Variants in C12orf43 observed in about 807,000 individuals in gnomAD.
C12orf43 encodes the protein chromosome 12 open reading frame 43, also known as protein CUSTOS.
In C12orf43, 15 loss-of-function variants were observed where a neutral mutation model predicts 20.6. The ratio of observed to expected loss-of-function variants is 0.73; its 90% CI spans 0.49 to 1.12. C12orf43 has a LOEUF of 1.12. Among genes scored for constraint, C12orf43 ranks in the 50% most tolerant of loss-of-function variants. The pLI is 0.00. For synonymous variants in C12orf43, 144 were observed against 130.8 expected, an observed-to-expected ratio of 1.10 and a Z score of -0.69; for missense variants, 334 against 344.4, an observed-to-expected ratio of 0.97 and a Z score of 0.24.
rs1877411439 is a variant in C12orf43, at chr12:121,000,850, G to C, written c.*3303C>G. On this transcript the variant is annotated 3_prime_UTR_variant, in exon 6 of 6. Coordinates refer to ENST00000288757, the MANE Select transcript of C12orf43 (RefSeq NM_022895.3). ...GGGGCTTCTCCAGTGTTCACACTAAGATGTACTCAGGCCACTCCATGGGCG... is the reference window on the plus strand; with the variant it reads ...GGGGCTTCTCCAGTGTTCACACTAACATGTACTCAGGCCACTCCATGGGCG... 1 of 615,240 alleles carries C rather than the reference G, an allele frequency of 1.6e-6. No individual in the cohort carries two copies. Among genetic ancestry groups the C allele is most frequent in the Non-Finnish European group, 2.9e-6 (1 of 342,202 alleles). 38.1% of individuals were successfully genotyped at this position (615,240 alleles called of 1,614,324 possible).
intron 1 of C12orf43, among the ~76,000 whole-genome samples, chr12:121,012,128 A>T (rs1460088381): frequency 2.6e-5 from 4 of 152,166 alleles, no homozygotes; most frequent in Non-Finnish European, 2.9e-5. Context: ...CTTCACTGAT[A>T]AGGCAACATT....
At chr12:121,008,019 C>CATTA (rs1314573393) in intron 3 of C12orf43, among the ~76,000 whole-genome samples, 1 of 6,020 alleles carries the variant, frequency 1.7e-4, no homozygotes, top group Non-Finnish European at 3.2e-4. Context: ...GGTAAACATC[C>CATTA]TATAATGGGA....
intron 3 of C12orf43, among the ~76,000 whole-genome samples, chr12:121,010,617 C>A (rs1351701460): frequency 6.6e-6 from 1 of 152,204 alleles, no homozygotes; most frequent in Admixed American, 6.5e-5. Context: ...TTCAGGCACA[C>A]CTGTCTCCTT....
rs1877963971 is a variant in C12orf43 at position 121,005,768 on chromosome 12, C to A, written c.361+553G>T. Among the ~76,000 whole-genome samples, 1 of 152,180 alleles carries A rather than the reference C, an allele frequency of 6.6e-6. No homozygotes were observed. ...CTGTACATGGGGTTCAATCATAATA[C>A]CTGCCTCACCACAGGGGCTGAGCAG... On this transcript the variant is annotated intron_variant, in intron 4 of 5. Coordinates refer to ENST00000288757, the MANE Select transcript of C12orf43 (RefSeq NM_022895.3). The surrounding 1 kb of genome is among the most constrained non-coding windows in gnomAD (Gnocchi z 5.6).
intron 1 of C12orf43, among the ~76,000 whole-genome samples, chr12:121,014,645 C>G (rs1383304837): frequency 8.5e-5 from 10 of 117,668 alleles, no homozygotes; most frequent in African/African-American, 1.3e-4. Context: ...AAAAAAAATG[C>G]AAAAAAAAAA....
Position 121,005,816 on chromosome 12 carries a change from C to T in C12orf43, c.361+505G>A. The T allele has an allele frequency of 6.3e-6, 1 of 158,524 alleles. No homozygotes were observed. The highest frequency in any genetic ancestry group is 2.4e-5 in the African/African-American group (1 of 41,466). The allele number at this position is 158,524 out of a possible 1,614,324, so 9.8% of individuals were successfully genotyped here. A position where few individuals can be genotyped will look rare whatever the true frequency, so the allele number is the denominator to read the frequency against. ...CAGATGAAAGAATGGTGAGGTGGCC[C>T]ATGCCTGTAACCCCAGTACTTTGGT... On this transcript the variant is annotated intron_variant, in intron 4 of 5. Coordinates refer to ENST00000288757, the MANE Select transcript of C12orf43 (RefSeq NM_022895.3). The surrounding 1 kb of genome is among the most constrained non-coding windows in gnomAD (Gnocchi z 5.6).
At chr12:121,008,354 C>T (rs1878181118) in intron 3 of C12orf43, among the ~76,000 whole-genome samples, 1 of 152,148 alleles carries the variant, frequency 6.6e-6, no homozygotes, top group African/African-American at 2.4e-5. Flanking sequence ...AGGCTGGTCT[C>T]GAACTCCTGT....
At chr12:121,013,737 TG>T (rs1170600181) in intron 1 of C12orf43, among the ~76,000 whole-genome samples, 8 of 151,956 alleles carry the variant, frequency 5.3e-5, no homozygotes, top group African/African-American at 1.9e-4. Context: ...GACCAAAGGG[TG>T]GGAGTTTTGA....
At chr12:121,011,026 G>A (rs780733128) in intron 2 of C12orf43, 78 bp downstream of exon 2, 77 of 1,579,858 alleles carry the variant, frequency 4.9e-5, no homozygotes, top group Non-Finnish European at 6.4e-5. Context: ...AATGCCAGGC[G>A]TGAAGCCTAG....
intron 1 of C12orf43, among the ~76,000 whole-genome samples, chr12:121,014,514 C>A (rs533777570): frequency 1.3e-5 from 2 of 151,660 alleles, no homozygotes; most frequent in South Asian, 4.2e-4. Context: ...CCTGTAATCC[C>A]AGCTACTAGG....
Position 121,005,631 on chromosome 12 carries a change from C to A in C12orf43, c.362-538G>T, listed in dbSNP as rs547998840. ...GGCAAATGTGTTGGTACAGGACAGA[C>A]GCAGATGGGCGAGGCTGTGGAGGGC... On this transcript the variant is annotated intron_variant, in intron 4 of 5. Transcript: ENST00000288757. This position sits in a 1 kb window ranked among gnomAD's most constrained non-coding sequence, Gnocchi z 5.6. 6.6e-6 allele frequency among the ~76,000 whole-genome samples: 1 copy of A among 152,242 alleles called. No homozygotes were observed. The highest frequency in any genetic ancestry group is 2.4e-5 in the African/African-American group (1 of 41,456).
rs146925499 is a variant in C12orf43, at chr12:121,016,384, T to C, written c.91A>G (p.Met31Val). The C allele has an allele frequency of 1.5e-3, 2,481 of 1,613,938 alleles. 2 individuals are homozygous for C. The highest frequency in any genetic ancestry group is 2.0e-3 in the Admixed American group (119 of 60,032). The stretch of plus-strand genomic sequence containing the variant: ...CGTTGCTCCAAGCCCCAAGCCGGCA[T>C]TGCCGCCTCGCGGCACCGCTCCAGC... ...EELERCREAA[M>V]PAWGLEQRPH... Residue 31 changes from methionine (M) to valine (V), a missense_variant, in exon 1 of 6, where the codon ATG becomes GTG. Transcript: ENST00000288757.
intron 1 of C12orf43, chr12:121,012,704 T>G: frequency 2.5e-6 from 1 of 402,476 alleles, no homozygotes; most frequent in African/African-American, 2.1e-5. Context: ...ATACAAAAAT[T>G]AGCTGGGTGT....
At position 121,004,418 on chromosome 12, in the gene C12orf43, G is replaced by A. The variant is rs371149106; in HGVS notation, c.524C>T (p.Ser175Leu). ...AVSASDILQE[S>L]AIHSPGTVEK... ...CACTGTTCCAGGGCTGTGGATGGCT[G>A]ACTCCTGTAGGATGTCGGACGCCGA... The change falls in exon 6 of 6, where the codon TCA (serine) becomes TTA (leucine). Residue 175 changes from serine (S) to leucine (L), a missense_variant. By Grantham distance (145) the Ser-to-Leu change is moderately radical. Transcript: ENST00000288757. The surrounding 1 kb of genome is among the most constrained non-coding windows in gnomAD (Gnocchi z 5.6). 6.2e-7 allele frequency: 1 copy of A among 1,613,832 alleles called. No homozygotes were observed. Among genetic ancestry groups the A allele is most frequent in the Non-Finnish European group, 8.5e-7 (1 of 1,180,002 alleles).
In C12orf43 at chr12:121,001,762, T is replaced by A; in HGVS notation, c.*2391A>T. ...CCTACTCACACAGGCATTTCCTGGG[T>A]GGCTACTCTGTGCCAGAGCCTGGGG... On this transcript the variant is annotated 3_prime_UTR_variant, in exon 6 of 6. Transcript: ENST00000288757. The A allele has an allele frequency of 1.9e-6, 1 of 535,190 alleles. No homozygotes were observed. Among genetic ancestry groups the A allele is most frequent in the Non-Finnish European group, 3.6e-6 (1 of 275,900 alleles). 33.2% of individuals were successfully genotyped at this position (535,190 alleles called of 1,614,324 possible).
chr12:121,002,595 A>C lies in C12orf43; in HGVS notation c.*1558T>G, dbSNP rs927348461. 2 of 413,536 alleles carry C rather than the reference A, an allele frequency of 4.8e-6. No homozygotes were observed. The highest frequency in any genetic ancestry group is 4.2e-5 in the African/African-American group (2 of 47,912). The allele number at this position is 413,536 out of a possible 1,614,324, so 25.6% of individuals were successfully genotyped here. On this transcript the variant is annotated 3_prime_UTR_variant, in exon 6 of 6. Transcript: ENST00000288757. ...GGCAGGCCAGAGGCCTGCGAAGAGG[A>C]GACAGGCTCCAGCACCCACGCTCTC...
chr12:121,001,924 T>C lies in C12orf43; in HGVS notation c.*2229A>G, dbSNP rs2135856407. 1 of 519,594 alleles carries C rather than the reference T, an allele frequency of 1.9e-6. No homozygotes were observed. Among genetic ancestry groups the C allele is most frequent in the Non-Finnish European group, 3.7e-6 (1 of 267,808 alleles). 32.2% of individuals were successfully genotyped at this position (519,594 alleles called of 1,614,324 possible). A position where few individuals can be genotyped will look rare whatever the true frequency, so the allele number is the denominator to read the frequency against. ...CCTGTATTTGTTCCCAAGAGCATCA[T>C]GCCTCTGAGGCCAGCCTGGCCTCCT... On this transcript the variant is annotated 3_prime_UTR_variant, in exon 6 of 6. Transcript: ENST00000288757.
intron 1 of C12orf43, chr12:121,016,113 A>G: frequency 9.2e-6 from 7 of 758,718 alleles, no homozygotes. Context: ...GGCAGAATCA[A>G]AAGACATTTG....
Position 121,010,940 on chromosome 12 carries a change from A to G in C12orf43, c.189-14T>C. ...TTCACCTTATGCCTACGACACACAC[A>G]AAGAGACCTCACTTCCTGCCCGCTC... On this transcript the variant is annotated splice_polypyrimidine_tract_variant and intron_variant, in intron 2 of 5. Transcript: ENST00000288757. The G allele has an allele frequency of 6.2e-7, 1 of 1,613,936 alleles. No homozygotes were observed. Among genetic ancestry groups the G allele is most frequent in the South Asian group, 1.1e-5 (1 of 91,076 alleles).
Sources: gnomAD v4.1 joint callset for allele counts (sites outside exome capture counted in the v4.1 genomes callset) on GRCh38, gnomAD v4.1.1 for gene constraint, Gnocchi (gnomAD v3.1) non-coding constraint, MANE v1.5 for transcripts, NCBI Gene and HGNC (gene_info 2026-07-23, HGNC 2026-07-21) for gene names.